The following UBE2W variants were observed in gnomAD, a reference collection of about 807,000 sequenced individuals.
UBE2W encodes the protein ubiquitin conjugating enzyme E2 W, also known as ubiquitin-conjugating enzyme E2 W.
A neutral mutation model predicts 27.2 loss-of-function variants in UBE2W; 18 were observed. That is an observed-to-expected ratio of 0.66 (90% CI 0.46 to 0.98). The LOEUF (loss-of-function observed/expected upper bound fraction) is 0.98. Among genes scored for constraint, UBE2W ranks in the 50% least tolerant of loss-of-function variants. UBE2W has a pLI of 0.00. For missense variants in UBE2W, 90 were observed against 180.2 expected (o/e 0.50, Z 2.87); for synonymous variants, 53 against 57.2 (o/e 0.93, Z 0.33).
At position 73,790,416 on chromosome 8, in the gene UBE2W, A is replaced by G. The variant is rs1423313419; in HGVS notation, c.*3686T>C. The G allele has an allele frequency of 1.0e-6, 1 of 985,284 alleles. No individual in the cohort carries two copies. The highest frequency in any genetic ancestry group is 1.1e-4 in the East Asian group (1 of 8,834). 61.0% of individuals were successfully genotyped at this position (985,284 alleles called of 1,614,324 possible). A position where few individuals can be genotyped will look rare whatever the true frequency, so the allele number is the denominator to read the frequency against. Reference sequence around the variant, plus strand: ...TAACGGCATTACTATAACACAGAACAGTATAGTAGCTGATTCTGATAATGA... The same window carrying G: ...TAACGGCATTACTATAACACAGAACGGTATAGTAGCTGATTCTGATAATGA... On this transcript the variant is annotated 3_prime_UTR_variant, in exon 6 of 6. Coordinates refer to ENST00000602593, the MANE Select transcript of UBE2W (RefSeq NM_018299.6).
chr8:73,868,676 C>G (rs1175076279), intron 1 of UBE2W, among the ~76,000 whole-genome samples: 1 of 148,082 alleles, frequency 6.8e-6, no homozygotes, highest in Admixed American at 6.7e-5. Context: ...GCAGAACACC[C>G]AGCTGGTGTT....
rs1808305972 is a variant in UBE2W at position 73,793,946 on chromosome 8, C to A, written c.*156G>T. The A allele has an allele frequency of 2.7e-6, 4 of 1,458,296 alleles. No homozygotes were observed. The South Asian group carries it at 6.0e-5, about 22-fold the overall frequency. 90.3% of individuals were successfully genotyped at this position (1,458,296 alleles called of 1,614,324 possible). On this transcript the variant is annotated 3_prime_UTR_variant, in exon 6 of 6. Transcript: ENST00000602593. ...GGACTGAACCAGCGATCAACATGCG[C>A]CCAGAATGCACACGAGTAAAAATGC...
chr8:73,804,721 G>C (rs987175138), intron 5 of UBE2W, among the ~76,000 whole-genome samples: 11 of 151,390 alleles, frequency 7.3e-5, no homozygotes, highest in Non-Finnish European at 1.6e-4. Context: ...CCAGTAACTA[G>C]TTCTTTTTTT....
chr8:73,863,656 GC>G (rs1214838643), intron 1 of UBE2W, among the ~76,000 whole-genome samples: 1 of 152,072 alleles, frequency 6.6e-6, no homozygotes, highest in Non-Finnish European at 1.5e-5. Flanking sequence ...TACTTGGGAG[GC>G]TGAGGCAAAA....
At chr8:73,853,199 C>T (rs1406721318) in intron 1 of UBE2W, among the ~76,000 whole-genome samples, 1 of 152,160 alleles carries the variant, frequency 6.6e-6, no homozygotes, top group Non-Finnish European at 1.5e-5. Flanking sequence ...ACTTCCCAGC[C>T]TCCAGAACTG....
chr8:73,875,771 C>T (rs1220677822), intron 1 of UBE2W, among the ~76,000 whole-genome samples: 1 of 152,054 alleles, frequency 6.6e-6, no homozygotes, highest in African/African-American at 2.4e-5. Flanking sequence ...CACACTTGGC[C>T]GCGTGCAGTG....
rs113822905 is a variant in UBE2W, at chr8:73,872,945, A to G, written c.15+5863T>C. Among the ~76,000 whole-genome samples, 477 of 138,290 alleles carry G rather than the reference A, an allele frequency of 3.4e-3. 3 individuals are homozygous for G. Among genetic ancestry groups the G allele is most frequent in the African/African-American group, 0.011 (403 of 36,184 alleles). The allele number at this position is 138,290 out of a possible 152,430, so 90.7% of individuals were successfully genotyped here. The stretch of plus-strand genomic sequence containing the variant: ...TAGCTGGAGTCTCACTCTGTCGCCC[A>G]GGCTGGAGTCCAGTGGCATGATCTC... On this transcript the variant is annotated intron_variant, in intron 1 of 5. Coordinates refer to ENST00000602593, the MANE Select transcript of UBE2W (RefSeq NM_018299.6).
chr8:73,876,736 A>G (rs933718574), intron 1 of UBE2W, among the ~76,000 whole-genome samples: 1 of 152,214 alleles, frequency 6.6e-6, no homozygotes, highest in East Asian at 1.9e-4. Flanking sequence ...TGGGAGGCCA[A>G]GGCAGGCGGA....
chr8:73,822,412 C>T (rs906861678), intron 3 of UBE2W, among the ~76,000 whole-genome samples: 56 of 151,890 alleles, frequency 3.7e-4, no homozygotes, highest in African/African-American at 1.3e-3. Context: ...GTAAAGAGAG[C>T]TCACTAAAAT....
chr8:73,876,048 T>C (rs1346771934), intron 1 of UBE2W, among the ~76,000 whole-genome samples: 1 of 152,078 alleles, frequency 6.6e-6, no homozygotes, highest in African/African-American at 2.4e-5. Flanking sequence ...CGAGACTCCA[T>C]CTCAACACAA....
intron 1 of UBE2W, among the ~76,000 whole-genome samples, chr8:73,873,276 C>A (rs977418449): frequency 6.6e-6 from 1 of 152,158 alleles, no homozygotes; most frequent in Non-Finnish European, 1.5e-5. Flanking sequence ...TCGTATCTAA[C>A]TGTCAAGGCA....
intron 1 of UBE2W, 54 bp downstream of exon 1, chr8:73,878,754 T>A (rs1364342378): frequency 8.8e-6 from 13 of 1,474,296 alleles, no homozygotes; most frequent in African/African-American, 1.4e-5. Flanking sequence ...GCCCGAACGC[T>A]GGCACTCTCT....
At chr8:73,845,824 G>A (rs1267591430) in intron 1 of UBE2W, among the ~76,000 whole-genome samples, 1 of 151,896 alleles carries the variant, frequency 6.6e-6, no homozygotes, top group Non-Finnish European at 1.5e-5. Context: ...GTCAGCACTA[G>A]AAATCAGTAA....
intron 1 of UBE2W, among the ~76,000 whole-genome samples, chr8:73,851,580 T>C (rs759816548): frequency 9.2e-5 from 14 of 152,158 alleles, no homozygotes; most frequent in Non-Finnish European, 1.5e-4. Flanking sequence ...AATAAACATA[T>C]GTAAAGTATT....
chr8:73,818,404 G>A (rs969123314), intron 3 of UBE2W, among the ~76,000 whole-genome samples: 4 of 152,086 alleles, frequency 2.6e-5, no homozygotes, highest in South Asian at 2.1e-4. Flanking sequence ...TGCCCTGAAC[G>A]GTTTATATGC....
downstream of UBE2W, among the ~76,000 whole-genome samples, chr8:73,785,852 G>GT (rs1373249631): frequency 6.6e-6 from 1 of 152,196 alleles, no homozygotes; most frequent in African/African-American, 2.4e-5. Context: ...GATTACAGGC[G>GT]TAAGCCACTG....
intron 1 of UBE2W, 142 bp from the exon 2 acceptor site, chr8:73,830,614 T>C: frequency 1.6e-6 from 1 of 626,246 alleles, no homozygotes; most frequent in Non-Finnish European, 2.8e-6. Flanking sequence ...GCCTCCCAAG[T>C]AGCTTGAGAC....
At chr8:73,783,470 G>A (rs1447877007), downstream of UBE2W, among the ~76,000 whole-genome samples, 2 of 152,278 alleles carry the variant, frequency 1.3e-5, no homozygotes, top group Admixed American at 6.5e-5. Flanking sequence ...TCACCCACAA[G>A]TGCCTTGGCA....
At chr8:73,849,321 G>A (rs1810966223) in intron 1 of UBE2W, among the ~76,000 whole-genome samples, 1 of 151,916 alleles carries the variant, frequency 6.6e-6, no homozygotes, top group Non-Finnish European at 1.5e-5. Context: ...AGACCAGCCT[G>A]GCCAACGTTG....
Sources: gnomAD v4.1 joint callset for allele counts (sites outside exome capture counted in the v4.1 genomes callset) on GRCh38, gnomAD v4.1.1 for gene constraint, MANE v1.5 for transcripts, NCBI Gene and HGNC (gene_info 2026-07-23, HGNC 2026-07-21) for gene names.